DHRSX: variants seen among roughly 807,000 people sequenced by gnomAD.
DHRSX encodes the protein polyprenol dehydrogenase.
DHRSX carries 31 observed loss-of-function variants against 34.0 expected under a neutral mutation model. The observed-to-expected ratio is 0.91, with a 90% CI of 0.69 to 1.23. DHRSX has a LOEUF of 1.23. DHRSX is among the 50% of genes most tolerant of loss of function. The probability of loss-of-function intolerance (pLI) is 0.00; values close to 1 mark genes in which losing one functional copy is unlikely to be tolerated. For synonymous variants in DHRSX, 201 were observed against 183.8 expected (o/e 1.09, Z -0.76); for missense variants, 414 against 428.1 (o/e 0.97, Z 0.29).
Position 2,372,401 on chromosome X carries a change from C to G in DHRSX, c.286+36344G>C, listed in dbSNP as rs767965739. On this transcript the variant is annotated intron_variant, in intron 3 of 6. Transcript: ENST00000334651. ...TGACAGCGTGAGTGTGTCTATCACA[C>G]GAACCGCTGGGGGAAGGCAGGCAGT... Among the ~76,000 whole-genome samples the G allele has an allele frequency of 1.6e-4, 24 of 152,196 alleles. No homozygotes were observed. The South Asian group carries it at 3.5e-3, about 22-fold the overall frequency.
chrX:2,329,087 T>C (rs912748305), intron 3 of DHRSX, among the ~76,000 whole-genome samples: 7 of 152,144 alleles, frequency 4.6e-5, no homozygotes, highest in Non-Finnish European at 8.8e-5. Flanking sequence ...AAAAAGAGTA[T>C]TGCATTCTTT....
intron 1 of DHRSX, among the ~76,000 whole-genome samples, chrX:2,491,214 C>T (rs758265646): frequency 2.0e-5 from 3 of 152,166 alleles, no homozygotes; most frequent in African/African-American, 7.2e-5. Flanking sequence ...GGATCACAGG[C>T]ACCTGCCATC....
chrX:2,423,140 C>T (rs1305892691), intron 2 of DHRSX, among the ~76,000 whole-genome samples: 2 of 150,162 alleles, frequency 1.3e-5, no homozygotes, highest in African/African-American at 2.4e-5. Context: ...GGGCCAGGCA[C>T]GGTGGTTCAT....
At chrX:2,242,515 G>A (rs1052808464) in intron 6 of DHRSX, among the ~76,000 whole-genome samples, 6 of 152,104 alleles carry the variant, frequency 3.9e-5, no homozygotes, top group Non-Finnish European at 7.4e-5. Context: ...ATTCCCAGGC[G>A]GTTAAGGTAT....
At chrX:2,402,174 G>C (rs769566324) in intron 3 of DHRSX, among the ~76,000 whole-genome samples, 4 of 152,340 alleles carry the variant, frequency 2.6e-5, no homozygotes, top group African/African-American at 9.6e-5. Context: ...GAGTCAGGAC[G>C]TGAGCCGACT....
chrX:2,333,754 C>T (rs1316413400), intron 3 of DHRSX, among the ~76,000 whole-genome samples: 1 of 152,078 alleles, frequency 6.6e-6, no homozygotes, highest in Non-Finnish European at 1.5e-5. Context: ...CCACCCTTCA[C>T]CCTCAAGCAG....
chrX:2,370,024 T>C (rs896622000), intron 3 of DHRSX, among the ~76,000 whole-genome samples: 5 of 152,062 alleles, frequency 3.3e-5, no homozygotes, highest in Admixed American at 1.3e-4. Flanking sequence ...TGACTGAGGA[T>C]AGATGCTTCC....
intron 1 of DHRSX, among the ~76,000 whole-genome samples, chrX:2,427,189 G>A (rs2043860938): frequency 6.6e-6 from 1 of 152,224 alleles, no homozygotes; most frequent in Non-Finnish European, 1.5e-5. Context: ...CTGATGTTGT[G>A]ACGGTGAGAG....
At chrX:2,378,341 C>A (rs1387365405) in intron 3 of DHRSX, among the ~76,000 whole-genome samples, 1 of 152,152 alleles carries the variant, frequency 6.6e-6, no homozygotes, top group Non-Finnish European at 1.5e-5. Context: ...AATATTGAGC[C>A]TCCCCTATGA....
At chrX:2,222,147 G>A (rs1329922937) in intron 6 of DHRSX, among the ~76,000 whole-genome samples, 2 of 152,198 alleles carry the variant, frequency 1.3e-5, no homozygotes, top group African/African-American at 2.4e-5. Context: ...CCAGCCTCCA[G>A]AACTGTGAGC....
chrX:2,379,233 A>G (rs1201036665), intron 3 of DHRSX, among the ~76,000 whole-genome samples: 17 of 152,108 alleles, frequency 1.1e-4, no homozygotes. Context: ...GAAGAACATG[A>G]AGAAAAGAGG....
chrX:2,375,195 T>C (rs1312688135), intron 3 of DHRSX, among the ~76,000 whole-genome samples: 1 of 138,744 alleles, frequency 7.2e-6, no homozygotes, highest in Non-Finnish European at 1.7e-5. Context: ...AGGGAATTTC[T>C]GGAGTGCAGA....
chrX:2,384,621 T>C (rs1488636778), intron 3 of DHRSX, among the ~76,000 whole-genome samples: 1 of 152,034 alleles, frequency 6.6e-6, no homozygotes, highest in African/African-American at 2.4e-5. Flanking sequence ...CTCAGATAAG[T>C]GGATGATTAT....
intron 5 of DHRSX, 159 bp downstream of exon 5, chrX:2,266,581 G>C (rs1446062205): frequency 1.4e-5 from 3 of 210,208 alleles, no homozygotes; most frequent in Non-Finnish European, 2.5e-5. Context: ...AGGGAGCACT[G>C]TCCCCAAAGC....
intron 5 of DHRSX, among the ~76,000 whole-genome samples, chrX:2,255,348 CA>C (rs1429044703): frequency 6.6e-6 from 1 of 152,100 alleles, no homozygotes; most frequent in Non-Finnish European, 1.5e-5. Flanking sequence ...TCTCAGAACA[CA>C]GGGGGAACAT....
At chrX:2,404,627 C>T (rs1408282401) in intron 3 of DHRSX, among the ~76,000 whole-genome samples, 3 of 152,138 alleles carry the variant, frequency 2.0e-5, no homozygotes, top group Non-Finnish European at 4.4e-5. Flanking sequence ...AATCTCAAAT[C>T]ATAAAACATA....
chrX:2,402,487 G>C (rs1397195607), intron 3 of DHRSX, among the ~76,000 whole-genome samples: 1 of 152,226 alleles, frequency 6.6e-6, no homozygotes, highest in Non-Finnish European at 1.5e-5. Flanking sequence ...ACAGGCAGAG[G>C]GCAGACCCTG....
chrX:2,291,552 A>C lies in DHRSX; in HGVS notation c.338T>G (p.Val113Gly). 6.2e-7 allele frequency: 1 copy of C among 1,613,968 alleles called. No homozygotes were observed. Among genetic ancestry groups the C allele is most frequent in the Non-Finnish European group, 8.5e-7 (1 of 1,179,844 alleles). ...LASMTSIRQF[V>G]QKFKMKKIPL... Reference sequence around the variant, plus strand: ...AATCTTCTTCATCTTGAACTTCTGCACAAACTGCCGGATGGAAGTCATGGA... The same window carrying C: ...AATCTTCTTCATCTTGAACTTCTGCCCAAACTGCCGGATGGAAGTCATGGA... The change falls in exon 4 of 7, where the codon GTG becomes GGG. Residue 113 changes from valine (V) to glycine (G), a missense_variant. Val to Gly is a moderately radical substitution (Grantham distance 109). Coordinates refer to ENST00000334651, the MANE Select transcript of DHRSX (RefSeq NM_145177.3).
intron 3 of DHRSX, among the ~76,000 whole-genome samples, chrX:2,376,989 CTA>C (rs2043147690): frequency 7.4e-6 from 1 of 134,588 alleles, no homozygotes; most frequent in Non-Finnish European, 1.7e-5. Context: ...AGCAAAAACT[CTA>C]TCTCAAAAAA....
Sources: gnomAD v4.1 joint callset for allele counts (sites outside exome capture counted in the v4.1 genomes callset) on GRCh38, gnomAD v4.1.1 for gene constraint, MANE v1.5 for transcripts, NCBI Gene and HGNC (gene_info 2026-07-23, HGNC 2026-07-21) for gene names.